The following CCDC57 variants were observed in gnomAD, a reference collection of about 807,000 sequenced individuals.
CCDC57 encodes coiled-coil domain-containing protein 57.
CCDC57 carries 118 observed loss-of-function variants against 118.9 expected under a neutral mutation model. The ratio of observed to expected loss-of-function variants is 0.99; its 90% CI spans 0.86 to 1.16. CCDC57 has a LOEUF of 1.16. Among genes scored for constraint, CCDC57 ranks in the 50% most tolerant of loss-of-function variants. The probability of loss-of-function intolerance (pLI) is 0.00; values close to 1 mark genes in which losing one functional copy is unlikely to be tolerated. For synonymous variants in CCDC57, 527 were observed against 532.9 expected, an observed-to-expected ratio of 0.99 and a Z score of 0.15; for missense variants, 1,300 against 1,320.7, an observed-to-expected ratio of 0.98 and a Z score of 0.24.
chr17:82,165,510 A>G (rs949039174), intron 13 of CCDC57, among the ~76,000 whole-genome samples: 6 of 150,242 alleles, frequency 4.0e-5, no homozygotes, highest in Non-Finnish European at 5.9e-5. Context: ...GGCCGAAGAG[A>G]AGCTGCTCCT....
At chr17:82,115,563 G>T (rs2079279641) in intron 19 of CCDC57, among the ~76,000 whole-genome samples, 1 of 151,960 alleles carries the variant, frequency 6.6e-6, no homozygotes, top group Non-Finnish European at 1.5e-5. Context: ...TTGAACCCAG[G>T]AGTTCAAGAC....
chr17:82,194,164 A>T (rs768899806), intron 5 of CCDC57, 25 bp from the exon 5 acceptor site: 145 of 1,598,932 alleles, frequency 9.1e-5, no homozygotes, highest in Admixed American at 1.4e-4. Flanking sequence ...AATGAGTTCA[A>T]AATGAGGTGA....
chr17:82,142,469 A>T (rs9898292), intron 16 of CCDC57, among the ~76,000 whole-genome samples: 71,022 of 151,808 alleles, frequency 0.47, 17,411 homozygotes, highest in East Asian at 0.88. Flanking sequence ...CGCAACACCA[A>T]GCCCGGCTAA....
chr17:82,117,096 G>A lies in CCDC57; in HGVS notation c.2899+10596C>T, dbSNP rs537457787. ...GGGCCAGGTGCGATGGCTCACGCCT[G>A]TAATCCCAGGACTTTGGGAGGCCGA... On this transcript the variant is annotated intron_variant, in intron 19 of 19. Coordinates refer to ENST00000665763, the Ensembl canonical transcript of CCDC57. Among the ~76,000 whole-genome samples the A allele has an allele frequency of 2.6e-5, 4 of 152,332 alleles. No homozygotes were observed. The South Asian group carries it at 6.2e-4, about 24-fold the overall frequency.
chr17:82,149,497 G>A (rs944638979), intron 16 of CCDC57, among the ~76,000 whole-genome samples: 8 of 152,060 alleles, frequency 5.3e-5, no homozygotes, highest in Non-Finnish European at 7.4e-5. Context: ...GGCCATCTTC[G>A]CTGCTCACCA....
chr17:82,197,765 G>A (rs2146827424), intron 4 of CCDC57, among the ~76,000 whole-genome samples: 1 of 152,268 alleles, frequency 6.6e-6, no homozygotes, highest in South Asian at 2.1e-4. Context: ...GGCCTGAATA[G>A]AACGAAATGC....
At chr17:82,211,780 C>A (rs1382066776) in intron 1 of CCDC57, among the ~76,000 whole-genome samples, 1 of 152,128 alleles carries the variant, frequency 6.6e-6, no homozygotes, top group African/African-American at 2.4e-5. Flanking sequence ...TGACTCCAAG[C>A]ACATCCAGGA....
chr17:82,149,826 C>G, intron 16 of CCDC57, among the ~76,000 whole-genome samples: 1 of 150,936 alleles, frequency 6.6e-6, no homozygotes. Flanking sequence ...CACCCAGAAC[C>G]AGGCGCACAC....
chr17:82,126,422 C>T (rs992943937), intron 19 of CCDC57: 1 of 983,092 alleles, frequency 1.0e-6, no homozygotes, highest in African/African-American at 1.7e-5. Context: ...ATTGTTGTCA[C>T]CGAAAAGGCC....
intron 17 of CCDC57, among the ~76,000 whole-genome samples, chr17:82,133,037 C>T (rs911947973): frequency 1.3e-5 from 2 of 152,004 alleles, no homozygotes; most frequent in Non-Finnish European, 2.9e-5. Context: ...GGATTATAGG[C>T]GTGAGCCACC....
chr17:82,200,447 T>G (rs1458440202), intron 3 of CCDC57, among the ~76,000 whole-genome samples: 3 of 152,102 alleles, frequency 2.0e-5, no homozygotes, highest in Non-Finnish European at 2.9e-5. Context: ...TGACTTTCTA[T>G]GATAAGAATA....
intron 13 of CCDC57, among the ~76,000 whole-genome samples, chr17:82,169,419 G>A (rs2044397462): frequency 6.6e-6 from 1 of 152,214 alleles, no homozygotes; most frequent in Non-Finnish European, 1.5e-5. Flanking sequence ...GTGAGCCACT[G>A]CGCCCGGCAA....
Position 82,118,318 on chromosome 17 carries a change from G to A in CCDC57, c.2899+9374C>T, listed in dbSNP as rs577083387. ...ACACAGTCCACTGAAACCCAGTGTG[G>A]TGTTATCCATTAGCGCAGGACTGAA... On this transcript the variant is annotated intron_variant, in intron 19 of 19. Coordinates refer to ENST00000665763, the Ensembl canonical transcript of CCDC57. The surrounding 1 kb of genome is among the most constrained non-coding windows in gnomAD (Gnocchi z 4.7). 3.9e-5 allele frequency among the ~76,000 whole-genome samples: 6 copies of A among 152,234 alleles called. No homozygotes were observed. In the South Asian group the frequency reaches 1.2e-3, roughly 32 times the overall value.
exon 20 of CCDC57, chr17:82,101,599 C>T (rs1446762066): frequency 3.3e-6 from 4 of 1,200,072 alleles, no homozygotes; most frequent in East Asian, 2.4e-5. Context: ...GTGCCCACAC[C>T]CCCCCACAAC....
At chr17:82,131,126 T>A (rs1477848982) in intron 17 of CCDC57, among the ~76,000 whole-genome samples, 2 of 151,210 alleles carry the variant, frequency 1.3e-5, no homozygotes, top group Admixed American at 6.6e-5. Context: ...GGCCACATTT[T>A]TTTTAAAAGA....
At chr17:82,156,284 CTG>C (rs1342096717) in intron 15 of CCDC57, 1 of 133,448 alleles carries the variant, frequency 7.5e-6, no homozygotes, top group Admixed American at 8.2e-5. Flanking sequence ...GTGTGAGACT[CTG>C]TCTCAAAAAA....
At position 82,154,170 on chromosome 17, in the gene CCDC57, G is replaced by C. The variant is rs1356573938; in HGVS notation, c.2242-2397C>G. 3 of 152,384 alleles carry C rather than the reference G, an allele frequency of 2.0e-5. No individual in the cohort carries two copies. The East Asian group carries it at 5.8e-4, about 29-fold the overall frequency. 9.4% of individuals were successfully genotyped at this position (152,384 alleles called of 1,614,324 possible). A position where few individuals can be genotyped will look rare whatever the true frequency, so the allele number is the denominator to read the frequency against. ...AGCTGATGTGGGTGGTGCAGTCAGGGAAGCCCAAAGCCAGGCTGTGCGGCT... is the reference window on the plus strand; with the variant it reads ...AGCTGATGTGGGTGGTGCAGTCAGGCAAGCCCAAAGCCAGGCTGTGCGGCT... On this transcript the variant is annotated intron_variant, in intron 15 of 19. Coordinates refer to ENST00000665763, the Ensembl canonical transcript of CCDC57.
chr17:82,141,177 A>ATTT (rs56298520), intron 16 of CCDC57, among the ~76,000 whole-genome samples: 10 of 121,534 alleles, frequency 8.2e-5, no homozygotes, highest in African/African-American at 1.6e-4. Context: ...CGCCCGGCTA[A>ATTT]TTTTTTTTTT....
intron 14 of CCDC57, among the ~76,000 whole-genome samples, chr17:82,159,206 C>A (rs994790695): frequency 6.7e-6 from 1 of 149,572 alleles, no homozygotes; most frequent in Non-Finnish European, 1.5e-5. Flanking sequence ...CCTATGTTGC[C>A]CAGGCTGGTC....
Sources: allele counts gnomAD v4.1 joint callset (sites outside exome capture counted in the v4.1 genomes callset), GRCh38; gene constraint gnomAD v4.1.1; non-coding constraint Gnocchi (gnomAD v3.1); transcripts MANE v1.5; gene names NCBI Gene and HGNC (gene_info 2026-07-23, HGNC 2026-07-21).